TYW1B: variants seen among roughly 807,000 people sequenced by gnomAD.
TYW1B encodes S-adenosyl-L-methionine-dependent tRNA 4-demethylwyosine synthase TYW1B.
TYW1B carries 73 observed loss-of-function variants against 86.9 expected under a neutral mutation model. That is an observed-to-expected ratio of 0.84 (90% confidence interval 0.70 to 1.02). The LOEUF is 1.02. Among genes scored for constraint, TYW1B ranks in the 50% least tolerant of loss-of-function variants. The pLI is 0.00. For synonymous variants in TYW1B, 248 were observed against 292.8 expected (o/e 0.85, Z 1.56); for missense variants, 637 against 827.4 (o/e 0.77, Z 2.82).
intron 11 of TYW1B, among the ~76,000 whole-genome samples, chr7:72,643,328 T>C (rs545914064): frequency 1.3e-5 from 2 of 152,298 alleles, no homozygotes; most frequent in Non-Finnish European, 2.9e-5. Flanking sequence ...TGCTCACGGC[T>C]GTAATCCCAG....
At chr7:72,712,550 ACT>A (rs1554454981) in intron 10 of TYW1B, among the ~76,000 whole-genome samples, 1 of 152,070 alleles carries the variant, frequency 6.6e-6, no homozygotes, top group East Asian at 1.9e-4. Context: ...CTGGTCTGGA[ACT>A]CTCAACCTCA....
chr7:72,606,484 C>G (rs1476533063), intron 13 of TYW1B, among the ~76,000 whole-genome samples: 2 of 152,042 alleles, frequency 1.3e-5, no homozygotes, highest in Admixed American at 1.3e-4. Context: ...ACAGACTACA[C>G]AGAAAGCCTG....
intron 7 of TYW1B, among the ~76,000 whole-genome samples, chr7:72,776,556 C>CAAAAAAAAAAAAA (rs67553013): frequency 2.2e-5 from 1 of 45,242 alleles, no homozygotes; most frequent in African/African-American, 9.4e-5. Flanking sequence ...GACTCTGTCT[C>CAAAAAAAAAAAAA]AAAAAAAAAA....
chr7:72,598,834 C>G (rs1201789033), intron 13 of TYW1B, among the ~76,000 whole-genome samples: 1 of 151,994 alleles, frequency 6.6e-6, no homozygotes, highest in Non-Finnish European at 1.5e-5. Flanking sequence ...AAAAAGAGCC[C>G]AGAGAGGAAG....
intron 10 of TYW1B, among the ~76,000 whole-genome samples, chr7:72,696,331 G>GA (rs1228091873): frequency 1.3e-5 from 2 of 151,988 alleles, no homozygotes; most frequent in Non-Finnish European, 2.9e-5. Context: ...TTTAGAACTA[G>GA]AAAAAACAAA....
intron 10 of TYW1B, among the ~76,000 whole-genome samples, chr7:72,711,470 A>ACTTTTTTTTTTT (rs1786660778): frequency 4.4e-5 from 2 of 45,622 alleles, no homozygotes; most frequent in African/African-American, 8.6e-5. Flanking sequence ...CTCCTCTTTA[A>ACTTTTTTTTTTT]TTCTTTTTTT....
intron 11 of TYW1B, among the ~76,000 whole-genome samples, chr7:72,655,473 C>T (rs1316888217): frequency 3.9e-5 from 6 of 152,174 alleles, no homozygotes; most frequent in Admixed American, 2.6e-4. Context: ...ATAGCCCCTG[C>T]ATCTCCACAT....
intron 11 of TYW1B, among the ~76,000 whole-genome samples, chr7:72,642,693 C>G (rs1325258775): frequency 6.6e-6 from 1 of 152,154 alleles, no homozygotes; most frequent in Non-Finnish European, 1.5e-5. Flanking sequence ...ACAAGGTCAG[C>G]AGTTCGAGAC....
At chr7:72,690,490 T>C (rs1205910192) in intron 11 of TYW1B, among the ~76,000 whole-genome samples, 2 of 152,216 alleles carry the variant, frequency 1.3e-5, no homozygotes, top group African/African-American at 4.8e-5. Flanking sequence ...AACACTGTAC[T>C]TGCCAAGAGT....
intron 11 of TYW1B, among the ~76,000 whole-genome samples, chr7:72,644,956 T>C (rs1450826817): frequency 6.6e-6 from 1 of 151,732 alleles, no homozygotes; most frequent in Non-Finnish European, 1.5e-5. Flanking sequence ...GCCTCCCAAG[T>C]AGCTGGGACT....
At chr7:72,708,751 G>A (rs3015844) in intron 10 of TYW1B, among the ~76,000 whole-genome samples, 118,418 of 152,062 alleles carry the variant, frequency 0.78, 46,739 homozygotes, top group Middle Eastern at 0.86. Context: ...TTGGGATATC[G>A]GGGTTGGCAG....
chr7:72,766,060 T>G (rs1454763233), intron 7 of TYW1B, among the ~76,000 whole-genome samples: 2 of 152,184 alleles, frequency 1.3e-5, no homozygotes, highest in African/African-American at 4.8e-5. Flanking sequence ...TAAGAAATAC[T>G]TTTGTATCGA....
chr7:72,703,225 C>T lies in TYW1B; in HGVS notation c.1371-8403G>A, dbSNP rs540284517. Among the ~76,000 whole-genome samples, 33 of 151,154 alleles carry T rather than the reference C, an allele frequency of 2.2e-4. No homozygotes were observed. The East Asian group carries it at 6.4e-3, about 29-fold the overall frequency. On this transcript the variant is annotated intron_variant, in intron 10 of 13. Transcript: ENST00000620995. ...ATTTTTAGTAGAGACAGGGTATCAC[C>T]GTGTTAGCCAGGATAGTCTCGATCT...
intron 7 of TYW1B, among the ~76,000 whole-genome samples, chr7:72,749,648 C>A (rs2129571441): frequency 6.6e-6 from 1 of 151,476 alleles, no homozygotes; most frequent in South Asian, 2.1e-4. Flanking sequence ...AAAGAACTAG[C>A]TTTTTGTTTT....
chr7:72,789,436 C>T (rs552241547), intron 6 of TYW1B, among the ~76,000 whole-genome samples: 27 of 152,096 alleles, frequency 1.8e-4, no homozygotes, highest in Middle Eastern at 3.4e-3. Flanking sequence ...AAGCCCGGCC[C>T]GAGTATTTCC....
chr7:72,776,105 C>T (rs781893518), intron 7 of TYW1B, among the ~76,000 whole-genome samples: 6 of 151,980 alleles, frequency 3.9e-5, no homozygotes, highest in Non-Finnish European at 8.8e-5. Context: ...CATGATCATA[C>T]CACTGCACTC....
chr7:72,764,162 C>T (rs1216288775), intron 7 of TYW1B, among the ~76,000 whole-genome samples: 2 of 152,136 alleles, frequency 1.3e-5, no homozygotes, highest in African/African-American at 2.4e-5. Context: ...GAAATTTCAT[C>T]GGATCTTAAC....
intron 11 of TYW1B, among the ~76,000 whole-genome samples, chr7:72,632,437 CGT>C (rs1491150516): frequency 0.13 from 12,611 of 95,946 alleles, 1,427 homozygotes; most frequent in African/African-American, 0.27. Context: ...TATATATATA[CGT>C]ATATATATAA....
chr7:72,639,081 G>A (rs1428184038), intron 11 of TYW1B, among the ~76,000 whole-genome samples: 1 of 151,978 alleles, frequency 6.6e-6, no homozygotes, highest in East Asian at 1.9e-4. Flanking sequence ...AAAGTACAAT[G>A]TGAGAATCTT....
Sources: gnomAD v4.1 joint callset for allele counts (sites outside exome capture counted in the v4.1 genomes callset) on GRCh38, gnomAD v4.1.1 for gene constraint, MANE v1.5 for transcripts, NCBI Gene and HGNC (gene_info 2026-07-23, HGNC 2026-07-21) for gene names.